The following ZNF84 variants were observed in gnomAD, a reference collection of about 807,000 sequenced individuals.
ZNF84 encodes the protein zinc finger protein HPF2.
ZNF84 carries 12 observed loss-of-function variants against 14.8 expected under a neutral mutation model. That is an observed-to-expected ratio of 0.81 (90% confidence interval 0.52 to 1.31). The LOEUF is 1.31. Among genes scored for constraint, ZNF84 ranks in the 50% most tolerant of loss-of-function variants. The pLI, the probability that ZNF84 is intolerant of heterozygous loss-of-function variation, is 0.00. For synonymous variants in ZNF84, 347 were observed against 291.1 expected (o/e 1.19, Z -1.96); for missense variants, 859 against 878.6 (o/e 0.98, Z 0.28).
Position 133,057,808 on chromosome 12 carries a change from C to A in ZNF84, c.1093C>A (p.His365Asn). Residue 365 changes from histidine to asparagine, a missense_variant, in exon 5 of 5, where the codon CAT becomes AAT. His to Asn is a moderately conservative substitution (Grantham distance 68, BLOSUM62 1). Coordinates refer to ENST00000539354, the MANE Select transcript of ZNF84 (RefSeq NM_001289971.2). ...AFSRKSQLVT[H>N]HRTHTGTKPF... is the part of the protein sequence containing the mutation. ...CAGCAGGAAGTCACAACTCGTTACACATCACAGAACTCACACAGGAACAAA... is the reference window on the plus strand; with the variant it reads ...CAGCAGGAAGTCACAACTCGTTACAAATCACAGAACTCACACAGGAACAAA... The A allele has an allele frequency of 1.2e-6, 2 of 1,614,098 alleles. No individual in the cohort carries two copies. The highest frequency in any genetic ancestry group is 1.7e-5 in the Admixed American group (1 of 60,020).
chr12:133,051,305 C>G (rs1954065325), intron 4 of ZNF84, among the ~76,000 whole-genome samples: 2 of 151,956 alleles, frequency 1.3e-5, no homozygotes, highest in African/African-American at 4.8e-5. Context: ...TATTTGTGTT[C>G]TTTTTTAAAA....
intron 2 of ZNF84, among the ~76,000 whole-genome samples, chr12:133,042,711 G>T (rs1953907714): frequency 1.3e-5 from 2 of 152,210 alleles, no homozygotes; most frequent in Non-Finnish European, 2.9e-5. Context: ...TTCAGAGTAT[G>T]TCCCAAGGGT....
rs1483548628 is a variant in ZNF84, at chr12:133,058,594, T to C, written c.1879T>C (p.Tyr627His). The change falls in exon 5 of 5, where the codon TAT (tyrosine) becomes CAT (histidine). Residue 627 changes from tyrosine to histidine, a missense_variant. Coordinates refer to ENST00000539354, the MANE Select transcript of ZNF84 (RefSeq NM_001289971.2). ...GAGAACTCATACAGGAGAAAAACCTTATGAATGCAATGAATGTAGAAAAGC... is the reference window on the plus strand; with the variant it reads ...GAGAACTCATACAGGAGAAAAACCTCATGAATGCAATGAATGTAGAAAAGC... The part of the protein sequence containing the change: ...HLRTHTGEKP[Y>H]ECNECRKAFR... 1 of 1,614,026 alleles carries C rather than the reference T, an allele frequency of 6.2e-7. No individual in the cohort carries two copies. Among genetic ancestry groups the C allele is most frequent in the Non-Finnish European group, 8.5e-7 (1 of 1,180,008 alleles).
chr12:133,057,422 G>T lies in ZNF84; in HGVS notation c.707G>T (p.Gly236Val). Residue 236 changes from glycine (G) to valine (V), a missense_variant, in exon 5 of 5, where the codon GGC becomes GTC. Gly to Val is a moderately radical substitution (Grantham distance 109, BLOSUM62 -3). Coordinates refer to ENST00000539354, the MANE Select transcript of ZNF84 (RefSeq NM_001289971.2). ...AGACATATAAGAGACATAGCCTTTG[G>T]CTGTGGTAATTGTGGCAAAACCTTT... ...QSRHIRDIAF[G>V]CGNCGKTFPQ... is the part of the protein sequence containing the mutation. 2 of 1,614,142 alleles carry T rather than the reference G, an allele frequency of 1.2e-6. No individual in the cohort carries two copies. Among genetic ancestry groups the T allele is most frequent in the Non-Finnish European group, 1.7e-6 (2 of 1,180,036 alleles).
rs886745555 is a variant in ZNF84 at position 133,060,273 on chromosome 12, A to G, written c.*1341A>G. 3.9e-5 allele frequency: 6 copies of G among 152,222 alleles called. No individual in the cohort carries two copies. The highest frequency in any genetic ancestry group is 8.8e-5 in the Non-Finnish European group (6 of 68,024). The allele number at this position is 152,222 out of a possible 1,614,324, so 9.4% of individuals were successfully genotyped here. A position where few individuals can be genotyped will look rare whatever the true frequency, so the allele number is the denominator to read the frequency against. On this transcript the variant is annotated 3_prime_UTR_variant, in exon 5 of 5. Coordinates refer to ENST00000539354, the MANE Select transcript of ZNF84 (RefSeq NM_001289971.2). ...TAGATGGATAAATGAATTATTAAAAAATCACATTTCTGAAGATGTAAAGTA... is the reference window on the plus strand; with the variant it reads ...TAGATGGATAAATGAATTATTAAAAGATCACATTTCTGAAGATGTAAAGTA...
chr12:133,040,565 G>A (rs1171223435), intron 1 of ZNF84: 4 of 87,936 alleles, frequency 4.5e-5, no homozygotes, highest in African/African-American at 2.3e-4. Context: ...GAGCAAGACC[G>A]TACCAAAAAA....
Position 133,062,919 on chromosome 12 carries a change from G to A in ZNF84, c.*3987G>A, listed in dbSNP as rs1056956542. On this transcript the variant is annotated 3_prime_UTR_variant, in exon 5 of 5. Transcript: ENST00000539354. The stretch of plus-strand genomic sequence containing the variant: ...TGAAATGCCCTTGTTCCTTGTTAAT[G>A]CCTATTGAATCTATATGAACCTGTA... The A allele has an allele frequency of 6.0e-5, 34 of 562,622 alleles. No homozygotes were observed. The highest frequency in any genetic ancestry group is 6.0e-4 in the African/African-American group (32 of 53,636). 34.9% of individuals were successfully genotyped at this position (562,622 alleles called of 1,614,324 possible). A position where few individuals can be genotyped will look rare whatever the true frequency, so the allele number is the denominator to read the frequency against.
In ZNF84 at chr12:133,054,202, G is replaced by A. The variant is rs374578640; in HGVS notation, c.239-2752G>A. 1.7e-4 allele frequency among the ~76,000 whole-genome samples: 26 copies of A among 152,074 alleles called. No individual in the cohort carries two copies. In the East Asian group the frequency reaches 2.9e-3, roughly 17 times the overall value. The stretch of plus-strand genomic sequence containing the variant: ...TTCAAGAGCAGCCTGGACAACATAG[G>A]GAGACCCCATCTCAACAAGAACAAC... On this transcript the variant is annotated intron_variant, in intron 4 of 4. Coordinates refer to ENST00000539354, the MANE Select transcript of ZNF84 (RefSeq NM_001289971.2).
At chr12:133,050,173 A>G (rs1259890287) in intron 4 of ZNF84, among the ~76,000 whole-genome samples, 4 of 152,212 alleles carry the variant, frequency 2.6e-5, no homozygotes, top group African/African-American at 9.6e-5. Flanking sequence ...TGCTGGGGGC[A>G]TTAATGCCAG....
In ZNF84 at chr12:133,047,993, C is replaced by T; in HGVS notation, c.54C>T (p.Thr18=). ...TTGACGATTTATCTGTGGACTTCAC[C>T]CAAAAGGAGTGGCAGCTACTGGATC... The part of the protein sequence containing the change: ...FSFDDLSVDF[T]QKEWQLLDPS... Residue 18 remains threonine (T), a synonymous_variant, in exon 3 of 5, where the codon ACC becomes ACT. Transcript: ENST00000539354. 6.2e-7 allele frequency: 1 copy of T among 1,613,916 alleles called. No homozygotes were observed. Among genetic ancestry groups the T allele is most frequent in the South Asian group, 1.1e-5 (1 of 91,058 alleles).
rs1177463801 is a variant in ZNF84 at position 133,057,234 on chromosome 12, T to C, written c.519T>C (p.Thr173=). The change falls in exon 5 of 5, where the codon ACT becomes ACC. Residue 173 remains threonine, a synonymous_variant. Transcript: ENST00000539354. ...NFFLHSKPED[T]DTWLKYYDCD... is the part of the protein sequence containing the mutation. ...TTCTCCATTCCAAGCCTGAGGATACTGATACCTGGTTAAAATACTATGACT... is the reference window on the plus strand; with the variant it reads ...TTCTCCATTCCAAGCCTGAGGATACCGATACCTGGTTAAAATACTATGACT... 1 of 1,613,962 alleles carries C rather than the reference T, an allele frequency of 6.2e-7. No individual in the cohort carries two copies. The highest frequency in any genetic ancestry group is 2.2e-5 in the East Asian group (1 of 44,870).
rs1001541127 is a variant in ZNF84 at position 133,038,389 on chromosome 12, T to C, written c.-191+844T>C. ...TTACAGTGGGCCTGTTCACACTCAT[T>C]ATTTTGTATTTCCAAAAGCATCCAG... On this transcript the variant is annotated intron_variant, in intron 1 of 4. Coordinates refer to ENST00000539354, the MANE Select transcript of ZNF84 (RefSeq NM_001289971.2). Among the ~76,000 whole-genome samples the C allele has an allele frequency of 1.0e-3, 152 of 152,226 alleles. 1 individual carries two copies. Among genetic ancestry groups the C allele is most frequent in the African/African-American group, 3.6e-3 (149 of 41,530 alleles).
intron 4 of ZNF84, among the ~76,000 whole-genome samples, chr12:133,054,744 A>T (rs1458138273): frequency 9.9e-5 from 15 of 151,786 alleles, no homozygotes; most frequent in South Asian, 4.1e-4. Context: ...TAAAAATACA[A>T]TTTTTTTTAA....
intron 2 of ZNF84, among the ~76,000 whole-genome samples, chr12:133,046,347 GTTTTT>G (rs58214468): frequency 2.7e-4 from 31 of 116,352 alleles, no homozygotes; most frequent in African/African-American, 1.0e-3. Flanking sequence ...AGTCCTCACA[GTTTTT>G]TTTTTTTTTT....
chr12:133,056,869 C>T (rs1449258780), intron 4 of ZNF84, 85 bp from the exon 5 acceptor site: 8 of 1,260,786 alleles, frequency 6.3e-6, no homozygotes, highest in Non-Finnish European at 7.6e-6. Context: ...CAGCCAACCC[C>T]TCAACATAGC....
At chr12:133,042,668 C>T (rs1381657981) in intron 2 of ZNF84, among the ~76,000 whole-genome samples, 4 of 152,156 alleles carry the variant, frequency 2.6e-5, no homozygotes, top group African/African-American at 7.2e-5. Flanking sequence ...CGCTAATAAA[C>T]GCATGAACCT....
Position 133,051,061 on chromosome 12 carries a change from AC to A in ZNF84, c.238+2214del, listed in dbSNP as rs375312513. Among the ~76,000 whole-genome samples, 874 of 151,516 alleles carry A rather than the reference AC, an allele frequency of 5.8e-3. 6 individuals are homozygous for A. Among genetic ancestry groups the A allele is most frequent in the African/African-American group, 0.02 (823 of 41,338 alleles). ...TTCAGCCTCCTGAGTAGATGGGACT[AC>A]AGGTGTGTGCCACCATGCCTGTGTT... is the stretch of plus-strand genomic sequence containing the variant. On this transcript the variant is annotated intron_variant, in intron 4 of 4. Transcript: ENST00000539354.
intron 4 of ZNF84, among the ~76,000 whole-genome samples, chr12:133,053,698 G>T (rs1954107086): frequency 1.3e-5 from 2 of 152,048 alleles, no homozygotes; most frequent in African/African-American, 4.8e-5. Flanking sequence ...AGCTATAATT[G>T]CACCACTAAA....
rs1954286946 is a variant in ZNF84, at chr12:133,062,827, G to A, written c.*3895G>A. On this transcript the variant is annotated 3_prime_UTR_variant, in exon 5 of 5. Coordinates refer to ENST00000539354, the MANE Select transcript of ZNF84 (RefSeq NM_001289971.2). ...TTTTCCTCCTATGCAATATTTTCTG[G>A]CCTCTGTGAACAACTTGTAGTTCCT... 3 of 445,916 alleles carry A rather than the reference G, an allele frequency of 6.7e-6. No individual in the cohort carries two copies. The highest frequency in any genetic ancestry group is 8.0e-5 in the South Asian group (2 of 24,878). The allele number at this position is 445,916 out of a possible 1,614,324, so 27.6% of individuals were successfully genotyped here.
Sources: gnomAD v4.1 joint callset for allele counts (sites outside exome capture counted in the v4.1 genomes callset) on GRCh38, gnomAD v4.1.1 for gene constraint, MANE v1.5 for transcripts, NCBI Gene and HGNC (gene_info 2026-07-23, HGNC 2026-07-21) for gene names.